PLPP4: variants seen among roughly 807,000 people sequenced by gnomAD.
The protein encoded by PLPP4 is diacylglycerol pyrophosphate like 2.
PLPP4 carries 20 observed loss-of-function variants against 32.2 expected under a neutral mutation model. The observed-to-expected ratio is 0.62, with a 90% CI of 0.44 to 0.90. The LOEUF is 0.90. Ranked by LOEUF, PLPP4 falls within the 40% of genes least tolerant of loss-of-function variation. The pLI is 0.00. For synonymous variants in PLPP4, 127 were observed against 133.0 expected (o/e 0.95, Z 0.31); for missense variants, 257 against 353.1 (o/e 0.73, Z 2.18).
At chr10:120,532,703 C>G (rs1846798314) in intron 5 of PLPP4, among the ~76,000 whole-genome samples, 1 of 152,134 alleles carries the variant, frequency 6.6e-6, no homozygotes, top group African/African-American at 2.4e-5. Context: ...CTATTCTGGA[C>G]ATTTCATATA....
chr10:120,464,887 G>A (rs1025736800), intron 1 of PLPP4, among the ~76,000 whole-genome samples: 3 of 152,164 alleles, frequency 2.0e-5, no homozygotes, highest in African/African-American at 7.2e-5. Context: ...CCCTGGGAAG[G>A]CGTCTGCCTT....
In PLPP4 at chr10:120,516,754, T is replaced by G. The variant is rs190856041; in HGVS notation, c.257-2079T>G. Among the ~76,000 whole-genome samples the G allele has an allele frequency of 7.5e-4, 115 of 152,338 alleles. 1 individual carries two copies. Among genetic ancestry groups the G allele is most frequent in the African/African-American group, 2.6e-3 (109 of 41,582 alleles). On this transcript the variant is annotated intron_variant, in intron 3 of 6. Transcript: ENST00000398250. Reference sequence around the variant, plus strand: ...GTTATTGCTAATGAACAAGTATTCCTGATAGGGGCCATTTATTTTCCTGTT... The same window carrying G: ...GTTATTGCTAATGAACAAGTATTCCGGATAGGGGCCATTTATTTTCCTGTT...
intron 5 of PLPP4, among the ~76,000 whole-genome samples, chr10:120,553,020 CTGATTCTTT>C (rs1351413889): frequency 1.3e-5 from 2 of 152,184 alleles, no homozygotes. Context: ...TCTGATTCTT[CTGATTCTTT>C]GTAGTTATGA....
intron 6 of PLPP4, among the ~76,000 whole-genome samples, chr10:120,583,151 T>C (rs1755819564): frequency 6.6e-6 from 1 of 151,872 alleles, no homozygotes; most frequent in South Asian, 2.1e-4. Context: ...CTTAGTGATG[T>C]TGGAGGCTGC....
chr10:120,506,414 TC>T, intron 2 of PLPP4, among the ~76,000 whole-genome samples: 1 of 152,334 alleles, frequency 6.6e-6, no homozygotes, highest in South Asian at 2.1e-4. Flanking sequence ...TTTAAAACCT[TC>T]AGATGTTAGT....
At chr10:120,540,670 C>T (rs1351331661) in intron 5 of PLPP4, among the ~76,000 whole-genome samples, 1 of 152,190 alleles carries the variant, frequency 6.6e-6, no homozygotes. Context: ...TCTTGGCAGC[C>T]CTGATGGACA....
intron 5 of PLPP4, among the ~76,000 whole-genome samples, chr10:120,574,552 CCAT>C (rs2134052901): frequency 6.6e-6 from 1 of 152,292 alleles, no homozygotes; most frequent in Admixed American, 6.5e-5. Flanking sequence ...GCTGACTTCT[CCAT>C]CAAACTCACT....
Position 120,504,364 on chromosome 10 carries a change from G to T in PLPP4, c.165+438G>T, listed in dbSNP as rs150144018. Among the ~76,000 whole-genome samples, 379 of 152,316 alleles carry T rather than the reference G, an allele frequency of 2.5e-3. 10 individuals carry two copies. In the East Asian group the frequency reaches 0.054, roughly 22 times the overall value. On this transcript the variant is annotated intron_variant, in intron 2 of 6. Coordinates refer to ENST00000398250, the MANE Select transcript of PLPP4 (RefSeq NM_001030059.3). The stretch of plus-strand genomic sequence containing the variant: ...TAAACTAATACCCGATTGGCTAACA[G>T]CTGAAAACTTTCTTAAATAGGTAAA...
intron 1 of PLPP4, among the ~76,000 whole-genome samples, chr10:120,473,815 C>G (rs1412130377): frequency 1.3e-5 from 2 of 152,128 alleles, no homozygotes; most frequent in Non-Finnish European, 2.9e-5. Flanking sequence ...CTCGCTTCCC[C>G]TTTGCCCTTC....
chr10:120,491,479 A>G (rs974765746), intron 1 of PLPP4, among the ~76,000 whole-genome samples: 8 of 149,346 alleles, frequency 5.4e-5, no homozygotes, highest in Admixed American at 2.0e-4. Flanking sequence ...TCTCTTTCTG[A>G]TATTTCCTAT....
At chr10:120,514,987 C>G (rs949271709) in intron 3 of PLPP4, among the ~76,000 whole-genome samples, 2 of 152,082 alleles carry the variant, frequency 1.3e-5, no homozygotes, top group African/African-American at 4.8e-5. Context: ...TATGATCCTC[C>G]CTTTTCCATG....
intron 5 of PLPP4, among the ~76,000 whole-genome samples, chr10:120,522,320 A>G (rs1415059584): frequency 1.3e-5 from 2 of 152,198 alleles, no homozygotes; most frequent in African/African-American, 4.8e-5. Context: ...CCGTTGAAGA[A>G]TAGGGCCTGT....
chr10:120,473,615 A>T (rs1400873949), intron 1 of PLPP4, among the ~76,000 whole-genome samples: 2 of 152,138 alleles, frequency 1.3e-5, no homozygotes. Flanking sequence ...CTGCATCCCC[A>T]CCCAAATCTC....
chr10:120,581,420 T>C (rs1205397332), intron 6 of PLPP4: 3 of 519,690 alleles, frequency 5.8e-6, no homozygotes, highest in South Asian at 8.2e-5. Context: ...CAACTGCATT[T>C]GGAATGTGCC....
chr10:120,550,951 T>C (rs1847873438), intron 5 of PLPP4, among the ~76,000 whole-genome samples: 1 of 151,988 alleles, frequency 6.6e-6, no homozygotes, highest in Admixed American at 6.6e-5. Context: ...AGAAATAAAA[T>C]GGCAAGTCAC....
rs770040474 is a variant in PLPP4 at position 120,575,193 on chromosome 10, G to A, written c.508G>A (p.Glu170Lys). Reference sequence around the variant, plus strand: ...GGCGGGCAAGCTGCACTGCTTCACCGAGAGTGGGCGGGGAAAGAGCTGGCG... The same window carrying A: ...GGCGGGCAAGCTGCACTGCTTCACCAAGAGTGGGCGGGGAAAGAGCTGGCG... ...YLAGKLHCFT[E>K]SGRGKSWRLC... The change falls in exon 6 of 7, where the codon GAG becomes AAG. Residue 170 changes from glutamate to lysine, a missense_variant. Coordinates refer to ENST00000398250, the MANE Select transcript of PLPP4 (RefSeq NM_001030059.3). The A allele has an allele frequency of 2.1e-5, 34 of 1,613,954 alleles. No homozygotes were observed. The Admixed American group carries it at 2.8e-4, about 13-fold the overall frequency.
At chr10:120,469,791 T>C (rs1002777735) in intron 1 of PLPP4, among the ~76,000 whole-genome samples, 5 of 152,248 alleles carry the variant, frequency 3.3e-5, no homozygotes, top group Admixed American at 6.5e-5. Flanking sequence ...AGCTTAATTT[T>C]TAAACTCATT....
At chr10:120,485,726 TAAAAG>T (rs1844416627) in intron 1 of PLPP4, among the ~76,000 whole-genome samples, 1 of 152,146 alleles carries the variant, frequency 6.6e-6, no homozygotes, top group South Asian at 2.1e-4. Flanking sequence ...AAAATTGAAA[TAAAAG>T]AAAAGAACAA....
At chr10:120,515,891 G>T (rs1377210223) in intron 3 of PLPP4, among the ~76,000 whole-genome samples, 1 of 152,218 alleles carries the variant, frequency 6.6e-6, no homozygotes, top group Non-Finnish European at 1.5e-5. Context: ...GGTTCTCACT[G>T]ACGGCTGGCT....
Sources: allele counts gnomAD v4.1 joint callset (sites outside exome capture counted in the v4.1 genomes callset), GRCh38; gene constraint gnomAD v4.1.1; transcripts MANE v1.5; gene names NCBI Gene and HGNC (gene_info 2026-07-23, HGNC 2026-07-21).